TBCK: variants seen among roughly 807,000 people sequenced by gnomAD.
TBCK encodes the protein TBC domain-containing protein kinase-like protein.
Under a neutral mutation model 113.4 loss-of-function variants are expected in TBCK, and 99 were observed. The ratio of observed to expected loss-of-function variants is 0.87; its 90% CI spans 0.74 to 1.03. The LOEUF (loss-of-function observed/expected upper bound fraction) is 1.03. Ranked by LOEUF, TBCK falls within the 50% of genes least tolerant of loss-of-function variation. TBCK has a pLI of 0.00. For missense variants in TBCK, 1,045 were observed against 1,061.3 expected (o/e 0.98, Z 0.21); for synonymous variants, 369 against 370.8 (o/e 1.00, Z 0.05).
intron 7 of TBCK, among the ~76,000 whole-genome samples, chr4:106,249,195 T>C (rs1184764011): frequency 1.3e-5 from 2 of 152,146 alleles, no homozygotes; most frequent in Non-Finnish European, 2.9e-5. Flanking sequence ...CACTGAAAGA[T>C]ACCAGCTTAA....
chr4:106,120,354 G>C (rs886747304), intron 23 of TBCK, among the ~76,000 whole-genome samples: 3 of 152,098 alleles, frequency 2.0e-5, no homozygotes, highest in African/African-American at 4.8e-5. Flanking sequence ...ACAGCAGTCT[G>C]AGATCAAACT....
intron 23 of TBCK, among the ~76,000 whole-genome samples, chr4:106,148,741 G>A (rs553798177): frequency 2.0e-5 from 3 of 152,138 alleles, no homozygotes; most frequent in Admixed American, 1.3e-4. Flanking sequence ...TAATTCTTAA[G>A]AGCCCTAGGA....
At chr4:106,277,047 A>AT (rs981605206) in intron 3 of TBCK, among the ~76,000 whole-genome samples, 9 of 152,288 alleles carry the variant, frequency 5.9e-5, no homozygotes, top group Admixed American at 4.6e-4. Flanking sequence ...AATTGAACAA[A>AT]TACATATGTG....
chr4:106,104,526 A>G (rs965343235), intron 24 of TBCK, among the ~76,000 whole-genome samples: 1 of 149,270 alleles, frequency 6.7e-6, no homozygotes, highest in African/African-American at 2.5e-5. Flanking sequence ...ACTGGGCAGG[A>G]CCTCCCAACC....
chr4:106,160,980 A>G (rs540982673), intron 23 of TBCK, among the ~76,000 whole-genome samples: 5 of 152,218 alleles, frequency 3.3e-5, no homozygotes, highest in Non-Finnish European at 7.4e-5. Flanking sequence ...TTCCAACTCT[A>G]TGAGGTACTT....
chr4:106,210,301 A>G (rs1755980859), intron 20 of TBCK, among the ~76,000 whole-genome samples: 1 of 152,138 alleles, frequency 6.6e-6, no homozygotes, highest in South Asian at 2.1e-4. Context: ...ATATGCAGGT[A>G]TCATCTGGGT....
At chr4:106,058,118 C>T (rs959813268) in intron 25 of TBCK, among the ~76,000 whole-genome samples, 2 of 151,718 alleles carry the variant, frequency 1.3e-5, no homozygotes, top group Non-Finnish European at 2.9e-5. Flanking sequence ...ATTTGAAAGG[C>T]ACCATGCTAG....
At chr4:106,181,760 G>C (rs1752415076) in intron 22 of TBCK, among the ~76,000 whole-genome samples, 1 of 152,058 alleles carries the variant, frequency 6.6e-6, no homozygotes, top group African/African-American at 2.4e-5. Flanking sequence ...ATGCTGTTTT[G>C]GTTACTATAG....
chr4:106,072,023 C>T (rs116111867), intron 25 of TBCK, among the ~76,000 whole-genome samples: 19,656 of 152,130 alleles, frequency 0.13, 1,607 homozygotes, highest in South Asian at 0.24. Context: ...CTGAATGCAG[C>T]AGTGATGGGT....
At chr4:106,085,270 GA>G (rs1326812275) in intron 25 of TBCK, among the ~76,000 whole-genome samples, 1 of 123,338 alleles carries the variant, frequency 8.1e-6, no homozygotes, top group Non-Finnish European at 1.8e-5. Context: ...CAAATGGAAA[GA>G]AAAACAAAAC....
chr4:106,061,093 T>C (rs763135470), intron 25 of TBCK, among the ~76,000 whole-genome samples: 8 of 151,884 alleles, frequency 5.3e-5, no homozygotes, highest in Non-Finnish European at 1.0e-4. Flanking sequence ...GTGAAGATGC[T>C]GTGTCATTTT....
At chr4:106,105,983 A>G (rs1742103991) in intron 24 of TBCK, among the ~76,000 whole-genome samples, 2 of 152,188 alleles carry the variant, frequency 1.3e-5, no homozygotes, top group South Asian at 4.1e-4. Context: ...AAACACAGGA[A>G]TTTCACAATA....
intron 9 of TBCK, 75 bp from the exon 10 acceptor site, chr4:106,247,362 A>G: frequency 7.0e-7 from 1 of 1,425,212 alleles, no homozygotes. Flanking sequence ...TACATTCAAG[A>G]GAATGGATAA....
Position 106,042,423 on chromosome 4 carries a change from G to A in TBCK, c.*4147C>T, listed in dbSNP as rs1208397419. The A allele has an allele frequency of 6.6e-6, 1 of 151,760 alleles. No homozygotes were observed. Among genetic ancestry groups the A allele is most frequent in the African/African-American group, 2.4e-5 (1 of 41,254 alleles). 9.4% of individuals were successfully genotyped at this position (151,760 alleles called of 1,614,324 possible). A position where few individuals can be genotyped will look rare whatever the true frequency, so the allele number is the denominator to read the frequency against. ...CTCCCAGGCTGGAGTGCAGTGGAGC[G>A]ATCTCGGCTCACTGCAAGCTCTGCC... On this transcript the variant is annotated 3_prime_UTR_variant, in exon 26 of 26. Coordinates refer to ENST00000394708, the MANE Select transcript of TBCK (RefSeq NM_001163435.3).
At chr4:106,082,195 A>G (rs1245303266) in intron 25 of TBCK, among the ~76,000 whole-genome samples, 2 of 150,016 alleles carry the variant, frequency 1.3e-5, no homozygotes, top group Admixed American at 1.3e-4. Context: ...CATGGAGTCA[A>G]CAAAGATGCC....
intron 23 of TBCK, among the ~76,000 whole-genome samples, chr4:106,145,481 C>T (rs1000499887): frequency 3.3e-5 from 5 of 152,164 alleles, no homozygotes; most frequent in African/African-American, 9.7e-5. Flanking sequence ...TTACAACAAG[C>T]CTACCTTGGA....
At position 106,096,698 on chromosome 4, in the gene TBCK, A is replaced by G. The variant is rs559715063; in HGVS notation, c.2412-1057T>C. ...CATGACTGACAGGATGGTGGAGGGG[A>G]GGGTGATGGTGGATATATGATGCAG... is the stretch of plus-strand genomic sequence containing the variant. On this transcript the variant is annotated intron_variant, in intron 24 of 25. Transcript: ENST00000394708. 2.1e-4 allele frequency among the ~76,000 whole-genome samples: 32 copies of G among 152,180 alleles called. No homozygotes were observed. The South Asian group carries it at 3.7e-3, about 18-fold the overall frequency.
rs1733893979 is a variant in TBCK, at chr4:106,041,850, A to G, written c.*4720T>C. 6.6e-6 allele frequency: 1 copy of G among 152,244 alleles called. No individual in the cohort carries two copies. Among genetic ancestry groups the G allele is most frequent in the Admixed American group, 6.5e-5 (1 of 15,282 alleles). 9.4% of individuals were successfully genotyped at this position (152,244 alleles called of 1,614,324 possible). ...TTTCATGTTACAAGCACCTATCATA[A>G]GGCATTAACAGGAAAATTACTCAGA... On this transcript the variant is annotated 3_prime_UTR_variant, in exon 26 of 26. Transcript: ENST00000394708.
intron 22 of TBCK, 41 bp from the exon 23 acceptor site, chr4:106,171,311 A>G: frequency 3.3e-6 from 5 of 1,492,810 alleles, no homozygotes; most frequent in Non-Finnish European, 4.6e-6. Context: ...TATAGAATTT[A>G]GATTGCTCTT....
Sources: allele counts gnomAD v4.1 joint callset (sites outside exome capture counted in the v4.1 genomes callset), GRCh38; gene constraint gnomAD v4.1.1; transcripts MANE v1.5; gene names NCBI Gene and HGNC (gene_info 2026-07-23, HGNC 2026-07-21).